The following TDRD9 variants were observed in gnomAD, a reference collection of about 807,000 sequenced individuals.
TDRD9 encodes ATP-dependent RNA helicase TDRD9.
TDRD9 carries 124 observed loss-of-function variants against 172.6 expected under a neutral mutation model. The ratio of observed to expected loss-of-function variants is 0.72; its 90% CI spans 0.62 to 0.83. The LOEUF (loss-of-function observed/expected upper bound fraction) is 0.83. Among genes scored for constraint, TDRD9 ranks in the 40% least tolerant of loss-of-function variants. TDRD9 has a pLI of 0.00. For missense variants in TDRD9, 1,479 were observed against 1,714.1 expected (o/e 0.86, Z 2.42); for synonymous variants, 619 against 617.1 (o/e 1.00, Z -0.05).
chr14:103,937,867 T>A (rs960366588), intron 1 of TDRD9, among the ~76,000 whole-genome samples: 48 of 134,272 alleles, frequency 3.6e-4, no homozygotes, highest in African/African-American at 1.2e-3. Flanking sequence ...CTTTTTTTTT[T>A]AATTTTCTTT....
At chr14:103,986,091 C>T (rs1210997442) in intron 7 of TDRD9, 126 bp from the exon 8 acceptor site, 25 of 715,982 alleles carry the variant, frequency 3.5e-5, no homozygotes, top group Non-Finnish European at 6.0e-5. Context: ...CAATAAAAAC[C>T]AAGAACTTTT....
At position 104,040,328 on chromosome 14, in the gene TDRD9, C is replaced by T. The variant is rs781025335; in HGVS notation, c.3849C>T (p.Val1283=). The T allele has an allele frequency of 1.4e-5, 21 of 1,549,260 alleles. No homozygotes were observed. Among genetic ancestry groups the T allele is most frequent in the Non-Finnish European group, 1.7e-5 (20 of 1,145,640 alleles). ...AFDVQFSVED[V]VEVNILRAAI... is the part of the protein sequence containing the mutation. ...ACGTTCAATTCAGCGTGGAGGATGT[C>T]GTCGAGGTAAGGGTAGTGCAGCATC... Residue 1283 remains valine (V), a synonymous_variant, in exon 33 of 36, where the codon GTC becomes GTT. Coordinates refer to ENST00000409874, the MANE Select transcript of TDRD9 (RefSeq NM_153046.3).
chr14:103,944,708 G>A (rs999058852), intron 1 of TDRD9, among the ~76,000 whole-genome samples: 1 of 151,938 alleles, frequency 6.6e-6, no homozygotes, highest in African/African-American at 2.4e-5. Flanking sequence ...TGGGATTACA[G>A]GCGTGCACCA....
At chr14:103,976,422 C>T (rs1322755009) in intron 7 of TDRD9, among the ~76,000 whole-genome samples, 7 of 151,756 alleles carry the variant, frequency 4.6e-5, no homozygotes, top group African/African-American at 1.7e-4. Context: ...TACAGGCGTC[C>T]GCCACCATGC....
chr14:103,987,148 A>ACACACC (rs1489882004), intron 8 of TDRD9, among the ~76,000 whole-genome samples: 22 of 151,970 alleles, frequency 1.4e-4, no homozygotes, highest in Non-Finnish European at 1.3e-4. Context: ...ACACACACAC[A>ACACACC]CACACACACA....
At chr14:103,985,692 G>A (rs1353465381) in intron 7 of TDRD9, among the ~76,000 whole-genome samples, 5 of 152,150 alleles carry the variant, frequency 3.3e-5, no homozygotes, top group Admixed American at 6.6e-5. Flanking sequence ...CTTGGTAGAC[G>A]GATACCTCAT....
chr14:103,938,263 A>T (rs1477574923), intron 1 of TDRD9, among the ~76,000 whole-genome samples: 1 of 151,240 alleles, frequency 6.6e-6, no homozygotes, highest in Non-Finnish European at 1.5e-5. Flanking sequence ...TTTTATGTGG[A>T]TTCATTTATT....
chr14:103,941,881 C>G (rs2031257279), intron 1 of TDRD9, among the ~76,000 whole-genome samples: 1 of 152,056 alleles, frequency 6.6e-6, no homozygotes, highest in South Asian at 2.1e-4. Context: ...AGGTCAGTGG[C>G]AGAAACCAAG....
chr14:104,030,774 A>T (rs910929387), intron 28 of TDRD9, among the ~76,000 whole-genome samples: 1 of 152,204 alleles, frequency 6.6e-6, no homozygotes, highest in African/African-American at 2.4e-5. Flanking sequence ...TGGGAATTGA[A>T]CAATGAGAAC....
chr14:103,949,824 C>T (rs1188235676), intron 1 of TDRD9, among the ~76,000 whole-genome samples: 2 of 151,744 alleles, frequency 1.3e-5, no homozygotes, highest in East Asian at 1.9e-4. Context: ...GGATTACAGG[C>T]GCCCGCCCCA....
intron 26 of TDRD9, 35 bp from the exon 27 acceptor site, chr14:104,026,012 C>A: frequency 7.1e-7 from 1 of 1,401,408 alleles, no homozygotes; most frequent in Non-Finnish European, 1.0e-6. Context: ...TGTTTTTGAC[C>A]CCGTCGTAAA....
chr14:104,007,066 T>A (rs2034463970), intron 18 of TDRD9, 94 bp from the exon 19 acceptor site: 1 of 1,262,516 alleles, frequency 7.9e-7, no homozygotes, highest in African/African-American at 1.5e-5. Context: ...TGTAAATTTT[T>A]ATGTTGTAAA....
At chr14:104,051,427 CTT>C (rs1226941022) in intron 35 of TDRD9, among the ~76,000 whole-genome samples, 1 of 152,106 alleles carries the variant, frequency 6.6e-6, no homozygotes, top group Non-Finnish European at 1.5e-5. Flanking sequence ...ATGCATGTGT[CTT>C]TTTGGTAGAA....
At chr14:103,932,939 G>A (rs2030498896) in intron 1 of TDRD9, among the ~76,000 whole-genome samples, 1 of 152,094 alleles carries the variant, frequency 6.6e-6, no homozygotes, top group South Asian at 2.1e-4. Context: ...TACATCATAG[G>A]TAGTTCAGAC....
In TDRD9 at chr14:104,049,122, G is replaced by A. The variant is rs10136776; in HGVS notation, c.3975-486G>A. On this transcript the variant is annotated intron_variant, in intron 34 of 35. Coordinates refer to ENST00000409874, the MANE Select transcript of TDRD9 (RefSeq NM_153046.3). ...GGTATGTATGTATGTATGTATGTATGTGTGTGTGTGTGTGTGTGTGTGTGT... is the reference window on the plus strand; with the variant it reads ...GGTATGTATGTATGTATGTATGTATATGTGTGTGTGTGTGTGTGTGTGTGT... 6.2e-4 allele frequency among the ~76,000 whole-genome samples: 87 copies of A among 139,724 alleles called. No homozygotes were observed. The Admixed American group carries it at 6.5e-3, about 10-fold the overall frequency. 91.7% of individuals were successfully genotyped at this position (139,724 alleles called of 152,430 possible).
intron 2 of TDRD9, among the ~76,000 whole-genome samples, chr14:103,956,105 AAAAAAAATATATATATATATATATAT>A (rs1364567320): frequency 1.1e-3 from 42 of 39,530 alleles, no homozygotes; most frequent in African/African-American, 4.6e-3. Context: ...AAAAAAAAAA[AAAAAAAATATATATATATATATATAT>A]ATATATATAT....
In TDRD9 at chr14:104,052,141, GGCTC is replaced by G; in HGVS notation, c.*60_*63del. ...AGGAAGCTGTGGAGGCTGGATTCCA[GGCTC>G]CCTCCGCAGACTGACTTTCCTCTGT... On this transcript the variant is annotated 3_prime_UTR_variant, in exon 36 of 36. Transcript: ENST00000409874. 2 of 1,254,190 alleles carry G rather than the reference GGCTC, an allele frequency of 1.6e-6. No individual in the cohort carries two copies. Among genetic ancestry groups the G allele is most frequent in the Non-Finnish European group, 2.3e-6 (2 of 881,582 alleles). The allele number at this position is 1,254,190 out of a possible 1,614,324, so 77.7% of individuals were successfully genotyped here.
intron 2 of TDRD9, among the ~76,000 whole-genome samples, chr14:103,957,237 C>A (rs189784691): frequency 6.6e-6 from 1 of 152,190 alleles, no homozygotes; most frequent in Non-Finnish European, 1.5e-5. Context: ...TCTGCTAGAT[C>A]TATCACCTTA....
intron 34 of TDRD9, among the ~76,000 whole-genome samples, chr14:104,048,453 G>T (rs552884733): frequency 3.9e-5 from 6 of 152,184 alleles, no homozygotes; most frequent in African/African-American, 1.4e-4. Flanking sequence ...GGCTTCCTAG[G>T]TGTTGTCCTT....
Sources: gnomAD v4.1 joint callset for allele counts (sites outside exome capture counted in the v4.1 genomes callset) on GRCh38, gnomAD v4.1.1 for gene constraint, MANE v1.5 for transcripts, NCBI Gene and HGNC (gene_info 2026-07-23, HGNC 2026-07-21) for gene names.